Variants in ATP6V1C2 observed in about 807,000 individuals in gnomAD.
ATP6V1C2 encodes ATPase H+ transporting V1 subunit C2, also known as V-type proton ATPase subunit C 2.
ATP6V1C2 carries 45 observed loss-of-function variants against 56.8 expected under a neutral mutation model. That is an observed-to-expected ratio of 0.79 (90% CI 0.62 to 1.02). The LOEUF (loss-of-function observed/expected upper bound fraction) is 1.02, where lower values mean the gene tolerates loss of function less well. ATP6V1C2 is among the 50% of genes least tolerant of loss of function. The probability of loss-of-function intolerance (pLI) is 0.00; values close to 1 mark genes in which losing one functional copy is unlikely to be tolerated. For missense variants in ATP6V1C2, 463 were observed against 519.7 expected (o/e 0.89, Z 1.06); for synonymous variants, 220 against 201.3 (o/e 1.09, Z -0.79).
Position 10,775,079 on chromosome 2 carries a change from T to C in ATP6V1C2, c.825+8T>C. ...GATAAGAAGCAACAGTATGTGAGTA[T>C]GTGATTGAGCAGCTCCTCCCGCCCC... is the stretch of plus-strand genomic sequence containing the variant. On this transcript the variant is annotated splice_region_variant and intron_variant, in intron 10 of 13. Coordinates refer to ENST00000272238, the MANE Select transcript of ATP6V1C2 (RefSeq NM_001039362.2). 6.2e-7 allele frequency: 1 copy of C among 1,610,390 alleles called. No individual in the cohort carries two copies. The highest frequency in any genetic ancestry group is 1.7e-5 in the Admixed American group (1 of 60,020).
At chr2:10,779,175 G>T (rs1665188047) in intron 12 of ATP6V1C2, among the ~76,000 whole-genome samples, 1 of 151,554 alleles carries the variant, frequency 6.6e-6, no homozygotes, top group East Asian at 2.0e-4. Flanking sequence ...CATGTTCCTG[G>T]CTCACTGAAA....
chr2:10,749,742 A>G (rs1321947148), intron 3 of ATP6V1C2, among the ~76,000 whole-genome samples: 1 of 152,168 alleles, frequency 6.6e-6, no homozygotes, highest in African/African-American at 2.4e-5. Context: ...AAATGTATTT[A>G]TTTGTTTTTT....
chr2:10,783,383 C>T lies in ATP6V1C2; in HGVS notation c.*120C>T, dbSNP rs1043971639. On this transcript the variant is annotated 3_prime_UTR_variant, in exon 14 of 14. Coordinates refer to ENST00000272238, the MANE Select transcript of ATP6V1C2 (RefSeq NM_001039362.2). ...TAAGATCTTTTTCAGAGAAATTGCT[C>T]ACAAAAGTTAGTGACAGTTGTATTT... The T allele has an allele frequency of 3.1e-5, 19 of 606,158 alleles. No individual in the cohort carries two copies. The highest frequency in any genetic ancestry group is 5.3e-5 in the Non-Finnish European group (19 of 357,832). The allele number at this position is 606,158 out of a possible 1,614,324, so 37.5% of individuals were successfully genotyped here. A position where few individuals can be genotyped will look rare whatever the true frequency, so the allele number is the denominator to read the frequency against.
At chr2:10,723,118 G>T in intron 2 of ATP6V1C2, 140 bp downstream of exon 2, 1 of 1,045,920 alleles carries the variant, frequency 9.6e-7, no homozygotes, top group Non-Finnish European at 1.4e-6. Flanking sequence ...GAGGTTTGAG[G>T]ATGGACGGGG....
At chr2:10,730,732 A>C (rs1030421867) in intron 3 of ATP6V1C2, among the ~76,000 whole-genome samples, 9 of 149,118 alleles carry the variant, frequency 6.0e-5, no homozygotes, top group Non-Finnish European at 1.0e-4. Flanking sequence ...AGCTCACTGC[A>C]ACCTCCGCCT....
At chr2:10,779,471 G>T (rs1315124948) in intron 12 of ATP6V1C2, among the ~76,000 whole-genome samples, 2 of 146,114 alleles carry the variant, frequency 1.4e-5, no homozygotes, top group Non-Finnish European at 3.0e-5. Flanking sequence ...ATATGCCCTT[G>T]TCATGGACTG....
chr2:10,758,287 A>G (rs548800802), intron 4 of ATP6V1C2, among the ~76,000 whole-genome samples: 10 of 152,328 alleles, frequency 6.6e-5, no homozygotes, highest in Admixed American at 2.0e-4. Flanking sequence ...ATGTAACCTT[A>G]AGTTAGATGT....
intron 3 of ATP6V1C2, among the ~76,000 whole-genome samples, chr2:10,736,132 TCTGAGTTGGGGC>T (rs1662230282): frequency 6.6e-6 from 1 of 151,762 alleles, no homozygotes; most frequent in African/African-American, 2.4e-5. Flanking sequence ...ATTCAGGAGG[TCTGAGTTGGGGC>T]CTGAGAACCT....
In ATP6V1C2 at chr2:10,784,220, CAAGAA is replaced by C. The variant is rs1214435021; in HGVS notation, c.*965_*969del. 6.4e-7 allele frequency: 1 copy of C among 1,556,972 alleles called. No homozygotes were observed. Among genetic ancestry groups the C allele is most frequent in the Non-Finnish European group, 8.8e-7 (1 of 1,137,596 alleles). On this transcript the variant is annotated 3_prime_UTR_variant, in exon 14 of 14. Coordinates refer to ENST00000272238, the MANE Select transcript of ATP6V1C2 (RefSeq NM_001039362.2). ...ACTGCTGGAAAAATCCACTGGCTCCCAAGAAAAGAAAATGGTCTGAAGCCTCTGTT... is the reference window on the plus strand; with the variant it reads ...ACTGCTGGAAAAATCCACTGGCTCCCAAGAAAATGGTCTGAAGCCTCTGTT...
Position 10,784,147 on chromosome 2 carries a change from G to C in ATP6V1C2, c.*884G>C. 4.5e-6 allele frequency: 3 copies of C among 673,014 alleles called. No individual in the cohort carries two copies. Among genetic ancestry groups the C allele is most frequent in the Non-Finnish European group, 7.3e-6 (3 of 409,648 alleles). The allele number at this position is 673,014 out of a possible 1,614,324, so 41.7% of individuals were successfully genotyped here. A position where few individuals can be genotyped will look rare whatever the true frequency, so the allele number is the denominator to read the frequency against. On this transcript the variant is annotated 3_prime_UTR_variant, in exon 14 of 14. Coordinates refer to ENST00000272238, the MANE Select transcript of ATP6V1C2 (RefSeq NM_001039362.2). ...ATGACCAATCAAGTACTACTTCTTGGTTAAAAGGCCACTGGTAGAGTCATC... is the reference window on the plus strand; with the variant it reads ...ATGACCAATCAAGTACTACTTCTTGCTTAAAAGGCCACTGGTAGAGTCATC...
intron 5 of ATP6V1C2, among the ~76,000 whole-genome samples, chr2:10,765,702 G>A (rs1262535347): frequency 6.6e-6 from 1 of 152,214 alleles, no homozygotes; most frequent in Non-Finnish European, 1.5e-5. Context: ...TGCCAGGTGT[G>A]CCTTTCAGAG....
intron 3 of ATP6V1C2, among the ~76,000 whole-genome samples, chr2:10,737,995 A>C (rs1448697895): frequency 6.6e-6 from 1 of 152,102 alleles, no homozygotes; most frequent in Non-Finnish European, 1.5e-5. Context: ...CTGGCCATCT[A>C]TGACAGTTAC....
In ATP6V1C2 at chr2:10,772,519, G is replaced by GT. The variant is rs538777947; in HGVS notation, c.570-22dup. 1,384 of 1,607,502 alleles carry GT rather than the reference G, an allele frequency of 8.6e-4. 32 individuals are homozygous for GT. In the South Asian group the frequency reaches 0.014, roughly 17 times the overall value. On this transcript the variant is annotated intron_variant, in intron 7 of 13. Transcript: ENST00000272238. ...ACGAGCCTTTTCTGCAAAAAATCAC[G>GT]TAACGATTCTATGTTCTTGCAGACC... is the stretch of plus-strand genomic sequence containing the variant.
intron 5 of ATP6V1C2, among the ~76,000 whole-genome samples, chr2:10,765,464 C>T (rs929318534): frequency 3.3e-5 from 5 of 152,238 alleles, no homozygotes; most frequent in South Asian, 4.1e-4. Context: ...CAAAGGCACC[C>T]GGTTTTCTAC....
chr2:10,776,177 T>A (rs1664959947), intron 10 of ATP6V1C2, among the ~76,000 whole-genome samples: 1 of 152,178 alleles, frequency 6.6e-6, no homozygotes, highest in East Asian at 1.9e-4. Flanking sequence ...CTGTTTCCCT[T>A]TAGGGAGGAA....
At chr2:10,765,050 C>T (rs1047724141) in intron 5 of ATP6V1C2, among the ~76,000 whole-genome samples, 4 of 152,230 alleles carry the variant, frequency 2.6e-5, no homozygotes, top group South Asian at 2.1e-4. Flanking sequence ...CACCTCTAGC[C>T]CCCAGGGGAT....
rs546166613 is a variant in ATP6V1C2, at chr2:10,774,531, C to T, written c.639-257C>T. On this transcript the variant is annotated intron_variant, in intron 8 of 13. Coordinates refer to ENST00000272238, the MANE Select transcript of ATP6V1C2 (RefSeq NM_001039362.2). Reference sequence around the variant, plus strand: ...CTTGGTCTCTCAGGAATTTGATAAGCGGGAGCTAAAGCCCAGGCCCCTACA... The same window carrying T: ...CTTGGTCTCTCAGGAATTTGATAAGTGGGAGCTAAAGCCCAGGCCCCTACA... 3.3e-4 allele frequency among the ~76,000 whole-genome samples: 51 copies of T among 152,302 alleles called. 1 individual carries two copies. The highest frequency in any genetic ancestry group is 1.1e-3 in the African/African-American group (46 of 41,554).
In ATP6V1C2 at chr2:10,782,389, A is replaced by AAT; in HGVS notation, c.1194+15_1194+16insTA. 6.2e-7 allele frequency: 1 copy of AAT among 1,613,466 alleles called. No homozygotes were observed. On this transcript the variant is annotated intron_variant, in intron 13 of 13. Transcript: ENST00000272238. ...AGTATACTGGATGTAGGTATCCAGA[A>AAT]ACAGCAGTATTTCTACAGTAAGCTC...
At chr2:10,750,881 A>G (rs1246527975) in intron 3 of ATP6V1C2, among the ~76,000 whole-genome samples, 1 of 152,220 alleles carries the variant, frequency 6.6e-6, no homozygotes, top group African/African-American at 2.4e-5. Context: ...ATGACATTTT[A>G]GAACAGTGCT....
Sources: gnomAD v4.1 joint callset for allele counts (sites outside exome capture counted in the v4.1 genomes callset) on GRCh38, gnomAD v4.1.1 for gene constraint, MANE v1.5 for transcripts, NCBI Gene and HGNC (gene_info 2026-07-23, HGNC 2026-07-21) for gene names.